The following COX17 variants were observed in gnomAD, a reference collection of about 807,000 sequenced individuals.
The protein encoded by COX17 is cytochrome c oxidase copper chaperone.
A neutral mutation model predicts 6.3 loss-of-function variants in COX17; 1 was observed. The ratio of observed to expected loss-of-function variants is 0.16; its 90% CI spans 0.06 to 0.75. The LOEUF is 0.75. Ranked by LOEUF, COX17 falls within the 30% of genes least tolerant of loss-of-function variation. COX17 has a pLI of 0.77. For missense variants in COX17, 73 were observed against 81.2 expected (o/e 0.90, Z 0.39); for synonymous variants, 26 against 30.5 (o/e 0.85, Z 0.49).
downstream of COX17, among the ~76,000 whole-genome samples, chr3:119,667,170 T>G (rs1228579189): frequency 1.3e-5 from 2 of 152,130 alleles, no homozygotes; most frequent in Non-Finnish European, 2.9e-5. Flanking sequence ...CCGTATTGAG[T>G]TGTCATTATT....
At chr3:119,664,521 G>C (rs1381605261) in intron 3 of COX17, among the ~76,000 whole-genome samples, 1 of 152,192 alleles carries the variant, frequency 6.6e-6, no homozygotes, top group Admixed American at 6.5e-5. Context: ...GCATATTCTG[G>C]TAACAGAGAA....
chr3:119,665,513 A>G (rs996166966), downstream of COX17, among the ~76,000 whole-genome samples: 27 of 152,174 alleles, frequency 1.8e-4, no homozygotes, highest in Non-Finnish European at 2.5e-4. Context: ...TAACTGAACT[A>G]CAGGCATGTA....
intron 3 of COX17, among the ~76,000 whole-genome samples, chr3:119,664,376 C>T (rs192627459): frequency 2.6e-5 from 4 of 152,142 alleles, no homozygotes; most frequent in Admixed American, 1.3e-4. Context: ...TTTTTTTCCA[C>T]GAGAAAACAT....
chr3:119,674,306 T>C (rs1461065382), intron 2 of COX17: 5 of 152,284 alleles, frequency 3.3e-5, no homozygotes, highest in African/African-American at 1.2e-4. Flanking sequence ...CTGTGCAACC[T>C]TCCAAGTGTG....
chr3:119,677,013 CGGGGCGGGGCGGGGGGG>C (rs1383930973), intron 1 of COX17, 174 bp downstream of exon 1: 6 of 287,992 alleles, frequency 2.1e-5, no homozygotes, highest in South Asian at 5.1e-5. Context: ...TGGGGCGGGG[CGGGGCGGGGCGGGGGGG>C]GGGGGCAGAC....
chr3:119,676,955 C>T (rs918374422), intron 1 of COX17: 6 of 698,874 alleles, frequency 8.6e-6, no homozygotes, highest in East Asian at 2.7e-5. Context: ...AACAGAGACC[C>T]GACCACGAAA....
chr3:119,667,718 CACACACACACAGAGAGAG>C (rs2053006112), downstream of COX17, among the ~76,000 whole-genome samples: 1 of 117,576 alleles, frequency 8.5e-6, no homozygotes, highest in African/African-American at 2.8e-5. Context: ...CACACACACA[CACACACACACAGAGAGAG>C]AGAGACAGAG....
downstream of COX17, among the ~76,000 whole-genome samples, chr3:119,667,562 G>A (rs374501860): frequency 6.2e-4 from 94 of 152,096 alleles, no homozygotes; most frequent in African/African-American, 2.2e-3. Flanking sequence ...TTGAAAACAC[G>A]CATGGCCTCT....
downstream of COX17, chr3:119,666,911 C>A (rs1193181327): frequency 6.6e-6 from 1 of 152,176 alleles, no homozygotes; most frequent in Non-Finnish European, 1.5e-5. Context: ...CACCGGGCTT[C>A]AACTTACCTC....
At chr3:119,672,476 C>T (rs1317131299) in intron 2 of COX17, among the ~76,000 whole-genome samples, 1 of 152,086 alleles carries the variant, frequency 6.6e-6, no homozygotes, top group Non-Finnish European at 1.5e-5. Context: ...TTTAATCACC[C>T]CTTTTTATCA....
downstream of COX17, among the ~76,000 whole-genome samples, chr3:119,664,697 G>T (rs1347587487): frequency 6.6e-6 from 1 of 152,218 alleles, no homozygotes; most frequent in Non-Finnish European, 1.5e-5. Context: ...GGTAAGGACA[G>T]AAATTGTGAC....
chr3:119,670,421 T>C (rs749395524), intron 2 of COX17, among the ~76,000 whole-genome samples: 2 of 152,208 alleles, frequency 1.3e-5, no homozygotes, highest in Non-Finnish European at 2.9e-5. Flanking sequence ...TAAACTCTTT[T>C]CTAAAAGACT....
At chr3:119,666,540 G>A (rs1474768952), downstream of COX17, among the ~76,000 whole-genome samples, 2 of 152,132 alleles carry the variant, frequency 1.3e-5, no homozygotes, top group Admixed American at 6.5e-5. Flanking sequence ...AGAAATAAAC[G>A]CTGGGCATAA....
At chr3:119,672,359 T>C (rs6792417) in intron 2 of COX17, among the ~76,000 whole-genome samples, 42,928 of 152,176 alleles carry the variant, frequency 0.28, 6,794 homozygotes, top group Admixed American at 0.36. Flanking sequence ...TATGATATCA[T>C]ATGATACTTT....
chr3:119,669,358 T>C (rs905468281), downstream of COX17: 8 of 152,132 alleles, frequency 5.3e-5, no homozygotes, highest in Non-Finnish European at 7.4e-5. Flanking sequence ...GGAGATTTCA[T>C]TGGTTGAGGT....
At chr3:119,675,081 A>G (rs1248149571) in intron 2 of COX17, 64 bp downstream of exon 2, 2 of 1,131,432 alleles carry the variant, frequency 1.8e-6, no homozygotes, top group Admixed American at 3.5e-5. Context: ...CCTTTCAGAG[A>G]GAATGTAGCC....
chr3:119,670,259 C>T (rs1024527443), intron 2 of COX17, among the ~76,000 whole-genome samples: 1 of 152,114 alleles, frequency 6.6e-6, no homozygotes, highest in Admixed American at 6.5e-5. Context: ...CACACCTCTC[C>T]CAGTGCCTAT....
At chr3:119,666,912 A>G (rs1478556470), downstream of COX17, 1 of 152,202 alleles carries the variant, frequency 6.6e-6, no homozygotes, top group Admixed American at 6.5e-5. Context: ...ACCGGGCTTC[A>G]ACTTACCTCG....
intron 3 of COX17, among the ~76,000 whole-genome samples, chr3:119,664,427 T>C (rs1441540088): frequency 2.6e-5 from 4 of 151,534 alleles, no homozygotes; most frequent in Non-Finnish European, 5.9e-5. Context: ...AAAAGATGAG[T>C]AGGTTTTCCC....
Sources: allele counts gnomAD v4.1 joint callset (sites outside exome capture counted in the v4.1 genomes callset), GRCh38; gene constraint gnomAD v4.1.1; transcripts MANE v1.5; gene names NCBI Gene and HGNC (gene_info 2026-07-23, HGNC 2026-07-21).